The following EPM2A variants were observed in gnomAD, a reference collection of about 807,000 sequenced individuals.
EPM2A encodes laforin.
In EPM2A, 21 loss-of-function variants were observed where a neutral mutation model predicts 26.5. That is an observed-to-expected ratio of 0.79 (90% CI 0.56 to 1.14). The LOEUF is 1.14. EPM2A is among the 50% of genes most tolerant of loss of function. The pLI is 0.00. For synonymous variants in EPM2A, 217 were observed against 177.6 expected (o/e 1.22, Z -1.76); for missense variants, 458 against 440.8 (o/e 1.04, Z -0.35).
At chr6:145,496,200 G>C (rs1447276864) in intron 4 of EPM2A, among the ~76,000 whole-genome samples, 1 of 152,078 alleles carries the variant, frequency 6.6e-6, no homozygotes, top group Admixed American at 6.6e-5. Context: ...CCCTTTGTAG[G>C]TAATCTGGCC....
intron 2 of EPM2A, among the ~76,000 whole-genome samples, chr6:145,560,396 G>T (rs908576406): frequency 3.3e-5 from 5 of 152,092 alleles, no homozygotes; most frequent in African/African-American, 4.8e-5. Flanking sequence ...AATCAGGGGT[G>T]AACAAATTTC....
At chr6:145,404,419 T>C (rs952779310) in intron 4 of EPM2A, among the ~76,000 whole-genome samples, 1 of 151,348 alleles carries the variant, frequency 6.6e-6, no homozygotes, top group Admixed American at 6.6e-5. Flanking sequence ...GTAAATTGTT[T>C]TTTTAAATGT....
chr6:145,406,592 G>T (rs1778572823), intron 4 of EPM2A, among the ~76,000 whole-genome samples: 1 of 152,144 alleles, frequency 6.6e-6, no homozygotes, highest in Middle Eastern at 3.2e-3. Flanking sequence ...CAAGTTGTCA[G>T]ATAAACTGCA....
chr6:145,627,714 C>T, intron 3 of EPM2A, 21 bp from the exon 4 acceptor site: 1 of 1,612,900 alleles, frequency 6.2e-7, no homozygotes, highest in Non-Finnish European at 8.5e-7. Context: ...GAAAGCACAG[C>T]ACACATGTGA....
At chr6:145,631,793 T>C (rs1001903742) in intron 3 of EPM2A, 2 of 152,016 alleles carry the variant, frequency 1.3e-5, no homozygotes, top group Non-Finnish European at 2.9e-5. Context: ...CAAAAGGCCC[T>C]AAAGATATGC....
intron 3 of EPM2A, chr6:145,634,395 G>C (rs1442601382): frequency 6.6e-6 from 1 of 152,336 alleles, no homozygotes; most frequent in Non-Finnish European, 1.5e-5. Context: ...ACCTATCAAA[G>C]CCATGCCCAC....
At chr6:145,516,596 G>C (rs1780130622) in intron 2 of EPM2A, among the ~76,000 whole-genome samples, 1 of 152,170 alleles carries the variant, frequency 6.6e-6, no homozygotes, top group Non-Finnish European at 1.5e-5. Flanking sequence ...TCTCATGTGT[G>C]TCCAGAAATT....
intron 4 of EPM2A, among the ~76,000 whole-genome samples, chr6:145,394,986 C>T (rs1778386073): frequency 6.6e-6 from 1 of 152,220 alleles, no homozygotes; most frequent in African/African-American, 2.4e-5. Flanking sequence ...ACTTGCTCCA[C>T]CAGCTGGCCC....
chr6:145,639,580 ATATCTTTTT>A, intron 2 of EPM2A: 1 of 152,310 alleles, frequency 6.6e-6, no homozygotes, highest in East Asian at 1.9e-4. Flanking sequence ...ATAGAGCCCA[ATATCTTTTT>A]TAAATATCAG....
At chr6:145,422,261 T>A (rs970159108) in intron 4 of EPM2A, among the ~76,000 whole-genome samples, 1 of 147,126 alleles carries the variant, frequency 6.8e-6, no homozygotes, top group East Asian at 1.9e-4. Flanking sequence ...AATATAACTA[T>A]ATATAATTAT....
intron 2 of EPM2A, among the ~76,000 whole-genome samples, chr6:145,551,895 G>A (rs1780660240): frequency 6.6e-6 from 1 of 150,462 alleles, no homozygotes; most frequent in Admixed American, 6.6e-5. Flanking sequence ...TTGGAAGCAT[G>A]AACAAAGAGC....
chr6:145,712,739 C>T (rs1294874459), intron 1 of EPM2A, among the ~76,000 whole-genome samples: 3 of 152,150 alleles, frequency 2.0e-5, no homozygotes, highest in Non-Finnish European at 4.4e-5. Context: ...GAGTTTTTCT[C>T]CACCATGACT....
At chr6:145,682,333 T>C (rs1378407253) in intron 2 of EPM2A, 1 of 152,090 alleles carries the variant, frequency 6.6e-6, no homozygotes, top group Non-Finnish European at 1.5e-5. Flanking sequence ...CTACAACACA[T>C]GAGAATTGTG....
At chr6:145,693,048 T>C (rs527905326) in intron 1 of EPM2A, among the ~76,000 whole-genome samples, 9 of 152,162 alleles carry the variant, frequency 5.9e-5, no homozygotes, top group Admixed American at 3.9e-4. Context: ...TCAAGGAGCA[T>C]AGAATATTTT....
intron 2 of EPM2A, among the ~76,000 whole-genome samples, chr6:145,585,091 C>G (rs1297020464): frequency 6.6e-6 from 1 of 152,044 alleles, no homozygotes; most frequent in Non-Finnish European, 1.5e-5. Context: ...TCTTTTCATT[C>G]TCTAACTATA....
At chr6:145,538,157 C>T (rs1278652760) in intron 2 of EPM2A, among the ~76,000 whole-genome samples, 1 of 152,080 alleles carries the variant, frequency 6.6e-6, no homozygotes, top group Non-Finnish European at 1.5e-5. Context: ...ATTTCTGGTT[C>T]TAGATCCTTG....
chr6:145,725,024 C>T (rs1266846400), intron 1 of EPM2A, among the ~76,000 whole-genome samples: 1 of 151,790 alleles, frequency 6.6e-6, no homozygotes, highest in African/African-American at 2.4e-5. Flanking sequence ...ATGGACACTG[C>T]TACAATAAAA....
At chr6:145,663,809 G>A (rs865847949) in intron 2 of EPM2A, among the ~76,000 whole-genome samples, 6 of 107,056 alleles carry the variant, frequency 5.6e-5, no homozygotes, top group Admixed American at 1.1e-4. Context: ...GACTAACAGC[G>A]GATCTCTCGG....
chr6:145,516,722 C>T, intron 2 of EPM2A, among the ~76,000 whole-genome samples: 1 of 152,100 alleles, frequency 6.6e-6, no homozygotes, highest in Non-Finnish European at 1.5e-5. Flanking sequence ...AGAGGATGAA[C>T]CTCAAATAGC....
Sources: gnomAD v4.1 joint callset for allele counts (sites outside exome capture counted in the v4.1 genomes callset) on GRCh38, gnomAD v4.1.1 for gene constraint, MANE v1.5 for transcripts, NCBI Gene and HGNC (gene_info 2026-07-23, HGNC 2026-07-21) for gene names.